Variants in NDUFAF6 observed in about 807,000 individuals in gnomAD.
NDUFAF6 encodes NADH dehydrogenase (ubiquinone) complex I, assembly factor 6.
A neutral mutation model predicts 40.8 loss-of-function variants in NDUFAF6; 45 were observed. That is an observed-to-expected ratio of 1.10 (90% CI 0.87 to 1.42). The LOEUF (loss-of-function observed/expected upper bound fraction) is 1.42, where lower values mean the gene tolerates loss of function less well. NDUFAF6 is among the 40% of genes most tolerant of loss of function. NDUFAF6 has a pLI of 0.00. For missense variants in NDUFAF6, 435 were observed against 418.5 expected (o/e 1.04, Z -0.34); for synonymous variants, 185 against 155.9 (o/e 1.19, Z -1.39).
chr8:94,988,314 G>A (rs1826031758), intron 2 of NDUFAF6: 1 of 152,184 alleles, frequency 6.6e-6, no homozygotes, highest in Non-Finnish European at 1.5e-5. Context: ...CCTCTGATGT[G>A]CTACTTTTTA....
At chr8:95,096,661 G>C (rs908932783), upstream of NDUFAF6, among the ~76,000 whole-genome samples, 2 of 152,180 alleles carry the variant, frequency 1.3e-5, no homozygotes, top group African/African-American at 2.4e-5. Flanking sequence ...AATATTTGCA[G>C]TATGTCTTAT....
At chr8:94,912,805 T>C (rs1586627602) in intron 1 of NDUFAF6, among the ~76,000 whole-genome samples, 4 of 84,730 alleles carry the variant, frequency 4.7e-5, no homozygotes, top group Admixed American at 2.9e-4. Context: ...AGAGCAAGAC[T>C]CCGTCTCAAA....
chr8:95,097,105 C>A (rs1809490783), upstream of NDUFAF6, among the ~76,000 whole-genome samples: 1 of 152,242 alleles, frequency 6.6e-6, no homozygotes, highest in Admixed American at 6.5e-5. Context: ...ACGTTTTCAT[C>A]TCTGGCTGGA....
chr8:95,005,496 G>GA (rs1826922476), intron 2 of NDUFAF6, among the ~76,000 whole-genome samples: 1 of 139,330 alleles, frequency 7.2e-6, no homozygotes, highest in Non-Finnish European at 1.5e-5. Context: ...TTAGAACTCT[G>GA]AGCTCCTCAG....
intron 1 of NDUFAF6, among the ~76,000 whole-genome samples, chr8:94,963,265 G>A (rs1427506746): frequency 2.6e-5 from 4 of 152,220 alleles, no homozygotes; most frequent in African/African-American, 9.6e-5. Context: ...CATTTAACAA[G>A]CATTTTTGAG....
intron 2 of NDUFAF6, among the ~76,000 whole-genome samples, chr8:94,991,796 G>GCGCC (rs1279924591): frequency 8.8e-6 from 1 of 113,274 alleles, no homozygotes; most frequent in African/African-American, 3.3e-5. Context: ...CTCATTCTTC[G>GCGCC]CCCCCCCCCC....
chr8:94,953,389 A>G (rs905177591), upstream of NDUFAF6, among the ~76,000 whole-genome samples: 5 of 152,060 alleles, frequency 3.3e-5, no homozygotes, highest in African/African-American at 1.2e-4. Flanking sequence ...GCAGAAAGCA[A>G]GGTCATCCCT....
In NDUFAF6 at chr8:95,047,057, C is replaced by T; in HGVS notation, c.644C>T (p.Thr215Ile). 6.2e-7 allele frequency: 1 copy of T among 1,614,184 alleles called. No individual in the cohort carries two copies. The highest frequency in any genetic ancestry group is 8.5e-7 in the Non-Finnish European group (1 of 1,180,030). Residue 215 changes from threonine to isoleucine, a missense_variant, in exon 6 of 9, where the codon ACT becomes ATT. Transcript: ENST00000396124. ...ATTGGAAAAGCACAAGGCATTGTCA[C>T]TTGCTTGAGAGCAACACCATATCAT... is the stretch of plus-strand genomic sequence containing the variant. ...SHIGKAQGIV[T>I]CLRATPYHGS...
intron 2 of NDUFAF6, among the ~76,000 whole-genome samples, chr8:95,012,722 T>C (rs1827277928): frequency 6.6e-6 from 1 of 152,038 alleles, no homozygotes; most frequent in South Asian, 2.1e-4. Context: ...CCCAGCTACT[T>C]GGGAGGTGGG....
intron 2 of NDUFAF6, among the ~76,000 whole-genome samples, chr8:94,947,981 G>T (rs980526915): frequency 1.3e-5 from 2 of 152,118 alleles, no homozygotes; most frequent in South Asian, 4.1e-4. Context: ...TTTCAGTATC[G>T]TGGGGGAACT....
chr8:94,964,428 CA>C (rs71569104), intron 1 of NDUFAF6, among the ~76,000 whole-genome samples: 1,225 of 69,008 alleles, frequency 0.018, 8 homozygotes, highest in African/African-American at 0.06. Context: ...GACCCTGTCT[CA>C]AAAAAAAAAA....
chr8:94,958,134 G>A (rs1177875050), exon 1 of NDUFAF6: 1 of 152,552 alleles, frequency 6.6e-6, no homozygotes, highest in Non-Finnish European at 1.5e-5. Flanking sequence ...CCTGACTGGA[G>A]TAGGTTAAAA....
At chr8:94,940,031 G>T in intron 1 of NDUFAF6, 1 of 1,614,172 alleles carries the variant, frequency 6.2e-7, no homozygotes, top group Non-Finnish European at 8.5e-7. Flanking sequence ...AAAACATGGG[G>T]GTGGGGTGAT....
chr8:94,925,319 A>G (rs549859084), intron 1 of NDUFAF6, among the ~76,000 whole-genome samples: 7 of 152,336 alleles, frequency 4.6e-5, no homozygotes, highest in Middle Eastern at 3.4e-3. Context: ...AGGGGTATCA[A>G]TGGCATCAGG....
chr8:94,928,370 T>G (rs2904889), intron 1 of NDUFAF6: 23,256 of 152,222 alleles, frequency 0.15, 1,874 homozygotes, highest in Middle Eastern at 0.25. Flanking sequence ...ACGCCGTGTA[T>G]TCAGAGTTTT....
Position 94,933,515 on chromosome 8 carries a change from AG to A in NDUFAF6, c.-935-11967del, listed in dbSNP as rs201861029. ...CACAGTGGCTCATACCTGTAATCCC[AG>A]CACTTTGGAAGGCCAAGGCAGGTGG... is the stretch of plus-strand genomic sequence containing the variant. On this transcript the variant is annotated intron_variant, in intron 1 of 14. Coordinates refer to the NDUFAF6 transcript ENST00000396113. Among the ~76,000 whole-genome samples the A allele has an allele frequency of 2.1e-3, 323 of 152,328 alleles. 12 individuals carry two copies. The East Asian group carries it at 0.058, about 27-fold the overall frequency.
chr8:95,031,891 G>A (rs1375877035), intron 1 of NDUFAF6, 104 bp from the exon 2 acceptor site: 10 of 1,105,378 alleles, frequency 9.0e-6, no homozygotes, highest in African/African-American at 6.2e-5. Context: ...ATGAGCTACC[G>A]CGCCCAACTT....
At chr8:94,946,999 T>C (rs1160501373) in intron 2 of NDUFAF6, among the ~76,000 whole-genome samples, 2 of 152,204 alleles carry the variant, frequency 1.3e-5, no homozygotes, top group African/African-American at 4.8e-5. Context: ...TAATTAGAGC[T>C]ACAATTTACA....
intron 1 of NDUFAF6, among the ~76,000 whole-genome samples, chr8:94,960,117 G>A (rs1823443397): frequency 6.6e-6 from 1 of 152,172 alleles, no homozygotes; most frequent in African/African-American, 2.4e-5. Context: ...CTACTGCATA[G>A]CCTCTGTGTC....
Sources: allele counts gnomAD v4.1 joint callset (sites outside exome capture counted in the v4.1 genomes callset), GRCh38; gene constraint gnomAD v4.1.1; transcripts MANE v1.5; gene names NCBI Gene and HGNC (gene_info 2026-07-23, HGNC 2026-07-21).